Variants in TBX3 observed in about 807,000 individuals in gnomAD.
TBX3 encodes the protein T-box transcription factor 3, also known as T-box transcription factor TBX3.
In TBX3, 11 loss-of-function variants were observed where a neutral mutation model predicts 47.8. The observed-to-expected ratio is 0.23, with a 90% CI of 0.14 to 0.38. The LOEUF is 0.38. Ranked by LOEUF, TBX3 falls within the 10% of genes least tolerant of loss-of-function variation. TBX3 has a pLI of 1.00. For missense variants in TBX3, 927 were observed against 1,022.8 expected (o/e 0.91, Z 1.28); for synonymous variants, 500 against 449.3 (o/e 1.11, Z -1.43).
At position 114,682,965 on chromosome 12, in the gene TBX3, G is replaced by T; in HGVS notation, c.236C>A (p.Ser79Tyr). The T allele has an allele frequency of 6.2e-7, 1 of 1,614,188 alleles. No individual in the cohort carries two copies. The highest frequency in any genetic ancestry group is 8.5e-7 in the Non-Finnish European group (1 of 1,180,048). ...VGAAETGIPF[S>Y]SLGPQAHLRP... ...CAGATGCGCCTGGGGCCCCAGGGAG[G>T]AGAACGGGATGCCGGTCTCGGCCGC... Residue 79 changes from serine (S) to tyrosine (Y), a missense_variant, in exon 1 of 7, where the codon TCC becomes TAC. By Grantham distance (144) the Ser-to-Tyr change is moderately radical. Transcript: ENST00000349155.
chr12:114,674,282 G>A lies in TBX3; in HGVS notation c.1593C>T (p.Thr531=), dbSNP rs1462743584. 9.5e-6 allele frequency: 15 copies of A among 1,581,384 alleles called. No homozygotes were observed. Among genetic ancestry groups the A allele is most frequent in the Admixed American group, 1.8e-5 (1 of 55,142 alleles). The change falls in exon 6 of 7, where the codon ACC becomes ACT. Residue 531 remains threonine (T), a synonymous_variant. Coordinates refer to ENST00000349155, the MANE Select transcript of TBX3 (RefSeq NM_005996.4). ...CCGTGGAATCCAGGCCCGAGACACC[G>A]GTGGAGGCCCCAGAAACCGTGGCCA... ...PLLATVSGAS[T]GVSGLDSTAM...
chr12:114,681,303 A>C (rs1868916278), intron 1 of TBX3, among the ~76,000 whole-genome samples, 157 bp from the exon 2 acceptor site: 1 of 152,224 alleles, frequency 6.6e-6, no homozygotes, highest in African/African-American at 2.4e-5. Context: ...TGGTTGCAAA[A>C]TCGTTTTCTT....
intron 4 of TBX3, 52 bp from the exon 5 acceptor site, chr12:114,676,522 CTTT>C: frequency 6.2e-7 from 1 of 1,610,288 alleles, no homozygotes; most frequent in Non-Finnish European, 8.5e-7. Flanking sequence ...CATTTCCCCT[CTTT>C]GTTTCCCTTA....
At chr12:114,682,284 T>C (rs2121156340) in intron 1 of TBX3, among the ~76,000 whole-genome samples, 1 of 152,256 alleles carries the variant, frequency 6.6e-6, no homozygotes, top group South Asian at 2.1e-4. Flanking sequence ...CAAACCAAAA[T>C]GCCCTTCGAT....
In TBX3 at chr12:114,671,475, T is replaced by G; in HGVS notation, c.*366A>C. ...TCCACTTGACACAGTGAAGGAAAAA[T>G]ATATATATAAATCCGCACTGAGGGA... On this transcript the variant is annotated 3_prime_UTR_variant, in exon 7 of 7. Coordinates refer to ENST00000349155, the MANE Select transcript of TBX3 (RefSeq NM_005996.4). The G allele has an allele frequency of 3.1e-6, 1 of 325,830 alleles. No individual in the cohort carries two copies. The highest frequency in any genetic ancestry group is 5.7e-6 in the Non-Finnish European group (1 of 176,546). 20.2% of individuals were successfully genotyped at this position (325,830 alleles called of 1,614,324 possible). A position where few individuals can be genotyped will look rare whatever the true frequency, so the allele number is the denominator to read the frequency against.
chr12:114,677,539 G>A (rs752487479), intron 4 of TBX3, 41 bp downstream of exon 4: 2 of 1,593,970 alleles, frequency 1.3e-6, no homozygotes, highest in East Asian at 2.2e-5. Context: ...TAAAAAAAGG[G>A]ATTTTTCTAA....
In TBX3 at chr12:114,674,452, G is replaced by C; in HGVS notation, c.1423C>G (p.Gln475Glu). The C allele has an allele frequency of 6.5e-7, 1 of 1,545,480 alleles. No homozygotes were observed. ...AAGCCGAGGCCAGGCAGGGGGCCCT[G>C]GGCCAGGTGCGCGGCGGCCGCGTCC... is the stretch of plus-strand genomic sequence containing the variant. ...QTDAAAAHLAQGPLPGLGFAP... is the reference protein window; with the variant it reads ...QTDAAAAHLAEGPLPGLGFAP... The change falls in exon 6 of 7, where the codon CAG becomes GAG. Residue 475 changes from glutamine to glutamate, a missense_variant. By Grantham distance (29) the Gln-to-Glu change is conservative. Coordinates refer to ENST00000349155, the MANE Select transcript of TBX3 (RefSeq NM_005996.4).
At position 114,672,212 on chromosome 12, in the gene TBX3, T is replaced by A; in HGVS notation, c.1801A>T (p.Ser601Cys). The A allele has an allele frequency of 4.5e-6, 7 of 1,572,452 alleles. No individual in the cohort carries two copies. Among genetic ancestry groups the A allele is most frequent in the Non-Finnish European group, 5.2e-6 (6 of 1,159,710 alleles). ...AAAASSAAAS[S>C]SVHRHPFLNL... ...AGGAAGGGGTGGCGGTGCACCGAGC[T>A]GGAGGCTGCCGCAGAGGAGGCGGCC... The change falls in exon 7 of 7, where the codon AGC (serine) becomes TGC (cysteine). Residue 601 changes from serine to cysteine, a missense_variant. Coordinates refer to ENST00000349155, the MANE Select transcript of TBX3 (RefSeq NM_005996.4).
At position 114,672,095 on chromosome 12, in the gene TBX3, G is replaced by T; in HGVS notation, c.1918C>A (p.Leu640Met). The change falls in exon 7 of 7, where the codon CTG (leucine) becomes ATG (methionine). Residue 640 changes from leucine to methionine, a missense_variant. This residue lies in a region of TBX3 where 623 missense variants were observed against 569.0 expected (regional missense o/e 1.09). Transcript: ENST00000349155. ...CCCGCGGCCGCCGCCATGGAGGGCA[G>T]GGCGGTGGTGAGCAGACTGCTGCCG... ...PDGSSLLTTA[L>M]PSMAAAAGPL... 2 of 1,569,078 alleles carry T rather than the reference G, an allele frequency of 1.3e-6. No individual in the cohort carries two copies. The highest frequency in any genetic ancestry group is 1.7e-6 in the Non-Finnish European group (2 of 1,157,254).
At position 114,671,196 on chromosome 12, in the gene TBX3, A is replaced by C. The variant is rs1868404845; in HGVS notation, c.*645T>G. On this transcript the variant is annotated 3_prime_UTR_variant, in exon 7 of 7. Coordinates refer to ENST00000349155, the MANE Select transcript of TBX3 (RefSeq NM_005996.4). ...CAAGCGTTCAAAATAAAAACCACAAATACATTACTGTGGACATGCAAGAAG... is the reference window on the plus strand; with the variant it reads ...CAAGCGTTCAAAATAAAAACCACAACTACATTACTGTGGACATGCAAGAAG... 1 of 221,928 alleles carries C rather than the reference A, an allele frequency of 4.5e-6. No homozygotes were observed. Among genetic ancestry groups the C allele is most frequent in the Admixed American group, 5.7e-5 (1 of 17,438 alleles). 13.7% of individuals were successfully genotyped at this position (221,928 alleles called of 1,614,324 possible).
Position 114,670,500 on chromosome 12 carries a change from G to C in TBX3, c.*1341C>G, listed in dbSNP as rs1868368571. On this transcript the variant is annotated 3_prime_UTR_variant, in exon 7 of 7. Transcript: ENST00000349155. Reference sequence around the variant, plus strand: ...TTCGTTTTGAGGAAATCAGAGACTAGCAAATACAAATAACAAAAGAAAAAT... The same window carrying C: ...TTCGTTTTGAGGAAATCAGAGACTACCAAATACAAATAACAAAAGAAAAAT... The C allele has an allele frequency of 4.5e-6, 1 of 222,576 alleles. No individual in the cohort carries two copies. Among genetic ancestry groups the C allele is most frequent in the Non-Finnish European group, 9.0e-6 (1 of 111,448 alleles). 13.8% of individuals were successfully genotyped at this position (222,576 alleles called of 1,614,324 possible). A position where few individuals can be genotyped will look rare whatever the true frequency, so the allele number is the denominator to read the frequency against.
At position 114,679,508 on chromosome 12, in the gene TBX3, A is replaced by T. The variant is rs751228574; in HGVS notation, c.801T>A (p.Asp267Glu). 1.2e-6 allele frequency: 2 copies of T among 1,614,206 alleles called. No individual in the cohort carries two copies. The highest frequency in any genetic ancestry group is 1.3e-5 in the African/African-American group (1 of 75,056). The stretch of plus-strand genomic sequence containing the variant: ...AAGGAAAGCCCCTTGAGTTTACCTT[A>T]TCATTCTGGTATGCAGTCACAGCGA... Reference protein sequence around the residue: ...EFIAVTAYQNDKITQLKIDNN... With the variant: ...EFIAVTAYQNEKITQLKIDNN... Residue 267 changes from aspartate to glutamate, a missense_variant, in exon 3 of 7, where the codon GAT (aspartate) becomes GAA (glutamate). This residue lies in a region of TBX3 where 38 missense variants were observed against 77.7 expected (regional missense o/e 0.49). Coordinates refer to ENST00000349155, the MANE Select transcript of TBX3 (RefSeq NM_005996.4).
Position 114,679,994 on chromosome 12 carries a change from T to C in TBX3, c.658-343A>G, listed in dbSNP as rs181450436. The C allele has an allele frequency of 1.6e-5, 26 of 1,613,654 alleles. No individual in the cohort carries two copies. In the African/African-American group the frequency reaches 3.2e-4, roughly 20 times the overall value. On this transcript the variant is annotated intron_variant, in intron 2 of 6. Transcript: ENST00000349155. ...AAGTCTTAAAAGATAGAGAAAAACA[T>C]GCATTTTAATTTACAAAATGATTCA...
chr12:114,675,370 C>A (rs543347494), intron 5 of TBX3, among the ~76,000 whole-genome samples: 3 of 152,176 alleles, frequency 2.0e-5, no homozygotes, highest in Admixed American at 1.3e-4. Context: ...AATGGCAGAA[C>A]GGACACCTGT....
At chr12:114,675,647 T>C (rs1161540019) in intron 5 of TBX3, among the ~76,000 whole-genome samples, 6 of 41,850 alleles carry the variant, frequency 1.4e-4, no homozygotes, top group East Asian at 1.4e-3. Flanking sequence ...TGTGTGTGTG[T>C]GTGTGTGTGT....
At chr12:114,682,118 CATT>C (rs1868955675) in intron 1 of TBX3, among the ~76,000 whole-genome samples, 1 of 152,106 alleles carries the variant, frequency 6.6e-6, no homozygotes, top group African/African-American at 2.4e-5. Context: ...GACCTTTAAA[CATT>C]ATGTAAAATA....
intron 2 of TBX3, 48 bp downstream of exon 2, chr12:114,680,827 TTGAC>T (rs1375519799): frequency 6.2e-7 from 1 of 1,612,798 alleles, no homozygotes; most frequent in Middle Eastern, 1.7e-4. Flanking sequence ...AGCACTGCCT[TTGAC>T]TGAGTGAAGG....
chr12:114,682,099 T>C (rs541815078), intron 1 of TBX3, among the ~76,000 whole-genome samples: 18 of 152,312 alleles, frequency 1.2e-4, no homozygotes, highest in African/African-American at 4.3e-4. Flanking sequence ...CAGGTTTTGG[T>C]CAGGCAAGGA....
chr12:114,680,624 CAGG>C, intron 2 of TBX3: 1 of 594,982 alleles, frequency 1.7e-6, no homozygotes, highest in Non-Finnish European at 3.0e-6. Flanking sequence ...ACTCTCAGGT[CAGG>C]AATCTACCAA....
Sources: gnomAD v4.1 joint callset for allele counts (sites outside exome capture counted in the v4.1 genomes callset) on GRCh38, gnomAD v4.1.1 for gene constraint, gnomAD v4.1.1 regional missense constraint, MANE v1.5 for transcripts, NCBI Gene and HGNC (gene_info 2026-07-23, HGNC 2026-07-21) for gene names.